Variants in UNKL observed in about 807,000 individuals in gnomAD.
The protein encoded by UNKL is unk like zinc finger.
Under a neutral mutation model 78.0 loss-of-function variants are expected in UNKL, and 60 were observed. That is an observed-to-expected ratio of 0.77 (90% CI 0.63 to 0.95). The LOEUF (loss-of-function observed/expected upper bound fraction) is 0.95. Ranked by LOEUF, UNKL falls within the 40% of genes least tolerant of loss-of-function variation. The pLI, the probability that UNKL is intolerant of heterozygous loss-of-function variation, is 0.00. For missense variants in UNKL, 1,159 were observed against 1,045.7 expected, an observed-to-expected ratio of 1.11 and a Z score of -1.49; for synonymous variants, 608 against 474.8, an observed-to-expected ratio of 1.28 and a Z score of -3.65.
intron 9 of UNKL, among the ~76,000 whole-genome samples, chr16:1,390,285 A>T (rs1462764766): frequency 6.6e-6 from 1 of 152,128 alleles, no homozygotes; most frequent in Admixed American, 6.5e-5. Context: ...CGTGCCCGGC[A>T]AGTTCTGCTG....
intron 14 of UNKL, 77 bp from the exon 15 acceptor site, chr16:1,366,472 G>A (rs549325575): frequency 3.7e-4 from 535 of 1,455,592 alleles, no homozygotes; most frequent in Non-Finnish European, 3.9e-4. Flanking sequence ...AGGGCCTTCC[G>A]GGCAGGACTC....
At chr16:1,383,441 G>C (rs9635639) in intron 10 of UNKL, 3 of 205,006 alleles carry the variant, frequency 1.5e-5, no homozygotes, top group African/African-American at 2.3e-5. Context: ...GAGGTGCTGA[G>C]AGCGGGGCCC....
chr16:1,387,018 A>G lies in UNKL; in HGVS notation c.1087-1633T>C, dbSNP rs917142084. Among the ~76,000 whole-genome samples the G allele has an allele frequency of 2.6e-4, 40 of 152,194 alleles. No homozygotes were observed. Among genetic ancestry groups the G allele is most frequent in the Admixed American group, 1.1e-3 (17 of 15,290 alleles). Reference sequence around the variant, plus strand: ...CTCAAGCCATGAAAAAACGGACCACAGTCCACCCCGTGAGCATCAGGGACG... The same window carrying G: ...CTCAAGCCATGAAAAAACGGACCACGGTCCACCCCGTGAGCATCAGGGACG... On this transcript the variant is annotated intron_variant, in intron 9 of 14. Coordinates refer to ENST00000389221, the MANE Select transcript of UNKL (RefSeq NM_001372107.1). The surrounding 1 kb of genome is among the most constrained non-coding windows in gnomAD (Gnocchi z 4.1).
intron 5 of UNKL, chr16:1,398,665 A>AC (rs1391640843): frequency 7.0e-7 from 1 of 1,427,190 alleles, no homozygotes; most frequent in African/African-American, 1.4e-5. Context: ...GCATCCAGAC[A>AC]CCCTGTGGGG....
In UNKL at chr16:1,387,691, G is replaced by A. The variant is rs1262713470; in HGVS notation, c.1087-2306C>T. Among the ~76,000 whole-genome samples, 2 of 152,160 alleles carry A rather than the reference G, an allele frequency of 1.3e-5. No homozygotes were observed. Among genetic ancestry groups the A allele is most frequent in the Non-Finnish European group, 2.9e-5 (2 of 68,012 alleles). On this transcript the variant is annotated intron_variant, in intron 9 of 14. Transcript: ENST00000389221. This position sits in a 1 kb window ranked among gnomAD's most constrained non-coding sequence, Gnocchi z 4.1. ...AGAACCAAAAGCTCAGGATGGCAAC[G>A]CACGGCCCTCCGGGGACGTGGACAC...
rs2036864728 is a variant in UNKL, at chr16:1,387,585, G to A, written c.1087-2200C>T. On this transcript the variant is annotated intron_variant, in intron 9 of 14. Coordinates refer to ENST00000389221, the MANE Select transcript of UNKL (RefSeq NM_001372107.1). The surrounding 1 kb of genome is among the most constrained non-coding windows in gnomAD (Gnocchi z 4.1). ...AAAGGACAGGGCCACCTGGGCTGTG[G>A]GGCTGAGGAGGCAGGCACCAGCAAG... 6.6e-6 allele frequency among the ~76,000 whole-genome samples: 1 copy of A among 152,198 alleles called. No homozygotes were observed. The highest frequency in any genetic ancestry group is 2.4e-5 in the African/African-American group (1 of 41,438).
At chr16:1,380,136 G>T (rs907973002) in intron 10 of UNKL, among the ~76,000 whole-genome samples, 1 of 152,222 alleles carries the variant, frequency 6.6e-6, no homozygotes, top group African/African-American at 2.4e-5. Context: ...CTGTTCCTAT[G>T]AAGTGTAAGA....
At chr16:1,411,186 T>C (rs552475743) in intron 2 of UNKL, among the ~76,000 whole-genome samples, 1 of 152,020 alleles carries the variant, frequency 6.6e-6, no homozygotes, top group South Asian at 2.1e-4. Flanking sequence ...GCAAAACCCC[T>C]TCTCTACTAA....
intron 9 of UNKL, among the ~76,000 whole-genome samples, chr16:1,389,037 C>G (rs1234551594): frequency 1.3e-5 from 2 of 152,238 alleles, no homozygotes; most frequent in Non-Finnish European, 2.9e-5. Context: ...GCTCTGACCC[C>G]GTGAACACTT....
intron 2 of UNKL, among the ~76,000 whole-genome samples, chr16:1,413,359 G>A (rs542869597): frequency 6.6e-6 from 1 of 151,752 alleles, no homozygotes; most frequent in African/African-American, 2.4e-5. Context: ...ACCTGAGGTT[G>A]GGAGTTCGAG....
chr16:1,403,201 G>A lies in UNKL; in HGVS notation c.431C>T (p.Pro144Leu). ...NGLHCAFAHG[P>L]LDLRPPVCDV... is the part of the protein sequence containing the mutation. ...ACACACGGGCGGCCGCAGGTCCAGGGGGCCGTGCGCGAAGGCACAGTGCAG... is the reference window on the plus strand; with the variant it reads ...ACACACGGGCGGCCGCAGGTCCAGGAGGCCGTGCGCGAAGGCACAGTGCAG... Residue 144 changes from proline (P) to leucine (L), a missense_variant, in exon 3 of 15, where the codon CCC (proline) becomes CTC (leucine). Physicochemically the swap from Pro to Leu is moderately conservative, Grantham distance 98 (BLOSUM62 -3). Transcript: ENST00000389221. The surrounding 1 kb of genome is among the most constrained non-coding windows in gnomAD (Gnocchi z 4.8). 6.2e-7 allele frequency: 1 copy of A among 1,613,698 alleles called. No homozygotes were observed. Among genetic ancestry groups the A allele is most frequent in the African/African-American group, 1.3e-5 (1 of 75,056 alleles).
chr16:1,405,230 GAGGA>G (rs2037698981), intron 2 of UNKL, among the ~76,000 whole-genome samples: 3 of 144,168 alleles, frequency 2.1e-5, no homozygotes, highest in South Asian at 2.2e-4. Flanking sequence ...AAAAGGAGGC[GAGGA>G]AGGAAGGGAG....
At chr16:1,369,982 G>A in intron 12 of UNKL, 148 bp downstream of exon 12, 2 of 1,550,854 alleles carry the variant, frequency 1.3e-6, no homozygotes, top group African/African-American at 2.7e-5. Flanking sequence ...CTGCGGCGTG[G>A]GGGAACCTGT....
intron 10 of UNKL, chr16:1,383,749 T>C (rs1174129861): frequency 2.4e-6 from 1 of 419,208 alleles, no homozygotes; most frequent in Admixed American, 2.5e-5. Flanking sequence ...GCCGCCCACA[T>C]TGACGCGGGT....
In UNKL at chr16:1,367,135, G is replaced by T; in HGVS notation, c.2003C>A (p.Ser668Ter). 1 of 1,596,614 alleles carries T rather than the reference G, an allele frequency of 6.3e-7. No homozygotes were observed. Among genetic ancestry groups the T allele is most frequent in the Admixed American group, 1.7e-5 (1 of 58,516 alleles). The change falls in exon 14 of 15, where the codon TCG (serine) becomes TAG (stop). Residue 668 changes from serine to a stop codon, truncating the protein, a stop_gained. Coordinates refer to ENST00000389221, the MANE Select transcript of UNKL (RefSeq NM_001372107.1). LOFTEE classifies it low-confidence loss of function (END_TRUNC). ...IGTIPLPKLHSLQSQLRLDLE... is the reference protein window; with the variant it reads ...IGTIPLPKLH ...GTCCAGGCGCAGCTGACTCTGCAGC[G>T]AGTGCAGCTTCGGCAGGGGAATGGT...
chr16:1,374,236 C>G (rs1482754722), intron 10 of UNKL, among the ~76,000 whole-genome samples: 1 of 152,180 alleles, frequency 6.6e-6, no homozygotes, highest in Non-Finnish European at 1.5e-5. Flanking sequence ...GCGCCCTCCC[C>G]GCTGCCCACC....
intron 12 of UNKL, among the ~76,000 whole-genome samples, chr16:1,368,816 A>AT (rs1187370314): frequency 6.6e-6 from 1 of 152,002 alleles, no homozygotes; most frequent in Non-Finnish European, 1.5e-5. Context: ...CATGACAATC[A>AT]TTTTAACCCG....
chr16:1,379,766 C>T, intron 10 of UNKL: 1 of 874,310 alleles, frequency 1.1e-6, no homozygotes, highest in Non-Finnish European at 1.4e-6. Context: ...GGCCACGCCC[C>T]CCGCGCTGCC....
chr16:1,379,819 C>A, intron 10 of UNKL: 1 of 613,838 alleles, frequency 1.6e-6, no homozygotes, highest in Non-Finnish European at 2.0e-6. Flanking sequence ...CCGGTCCCCG[C>A]GGCTCCTGGC....
Sources: gnomAD v4.1 joint callset for allele counts (sites outside exome capture counted in the v4.1 genomes callset) on GRCh38, gnomAD v4.1.1 for gene constraint, Gnocchi (gnomAD v3.1) non-coding constraint, MANE v1.5 for transcripts, NCBI Gene and HGNC (gene_info 2026-07-23, HGNC 2026-07-21) for gene names.